Variants in PPP3CC observed in about 807,000 individuals in gnomAD.
PPP3CC encodes the protein protein phosphatase 3 catalytic subunit gamma, also known as serine/threonine-protein phosphatase 2B catalytic subunit gamma isoform.
In PPP3CC, 35 loss-of-function variants were observed where a neutral mutation model predicts 60.3. The ratio of observed to expected loss-of-function variants is 0.58; its 90% CI spans 0.44 to 0.77. The LOEUF (loss-of-function observed/expected upper bound fraction) is 0.77. PPP3CC is among the 30% of genes least tolerant of loss of function. PPP3CC has a pLI of 0.00. For missense variants in PPP3CC, 570 were observed against 628.9 expected (o/e 0.91, Z 1.00); for synonymous variants, 206 against 224.3 (o/e 0.92, Z 0.73).
At chr8:22,538,883 T>C (rs952940092) in intron 12 of PPP3CC, among the ~76,000 whole-genome samples, 1 of 152,232 alleles carries the variant, frequency 6.6e-6, no homozygotes, top group Non-Finnish European at 1.5e-5. Context: ...TTCTATGCTT[T>C]TGTTAGCTTT....
chr8:22,461,985 A>T (rs1837375135), intron 1 of PPP3CC, among the ~76,000 whole-genome samples: 1 of 152,202 alleles, frequency 6.6e-6, no homozygotes, highest in African/African-American at 2.4e-5. Flanking sequence ...CTTTAATCCC[A>T]GTGCATTGGG....
intron 4 of PPP3CC, among the ~76,000 whole-genome samples, chr8:22,499,273 A>T (rs1162913951): frequency 1.3e-5 from 2 of 149,310 alleles, no homozygotes; most frequent in Non-Finnish European, 3.0e-5. Context: ...CCCCGTCTCT[A>T]CTAAAAATAC....
chr8:22,492,089 T>C (rs1838421744), intron 3 of PPP3CC, among the ~76,000 whole-genome samples: 1 of 152,146 alleles, frequency 6.6e-6, no homozygotes, highest in African/African-American at 2.4e-5. Context: ...CTAGGTGGTA[T>C]AGCCTGCTAC....
chr8:22,478,594 ACAT>A (rs1837969852), intron 3 of PPP3CC, among the ~76,000 whole-genome samples: 1 of 152,202 alleles, frequency 6.6e-6, no homozygotes, highest in Non-Finnish European at 1.5e-5. Flanking sequence ...TTGTGCACAG[ACAT>A]CATGTTCAGA....
chr8:22,523,716 G>A lies in PPP3CC; in HGVS notation c.943+967G>A, dbSNP rs1294421757. 4 of 451,646 alleles carry A rather than the reference G, an allele frequency of 8.9e-6. No individual in the cohort carries two copies. The Admixed American group carries it at 9.5e-5, about 11-fold the overall frequency. The allele number at this position is 451,646 out of a possible 1,614,324, so 28.0% of individuals were successfully genotyped here. A position where few individuals can be genotyped will look rare whatever the true frequency, so the allele number is the denominator to read the frequency against. ...TCCTTTGAGGGTGGATTTGATTTTTGGACAGCCAAAAGTCATTCGGAGTCA... is the reference window on the plus strand; with the variant it reads ...TCCTTTGAGGGTGGATTTGATTTTTAGACAGCCAAAAGTCATTCGGAGTCA... On this transcript the variant is annotated intron_variant, in intron 8 of 13. Transcript: ENST00000240139.
chr8:22,486,436 A>T (rs1038100504), intron 3 of PPP3CC, among the ~76,000 whole-genome samples: 1 of 151,950 alleles, frequency 6.6e-6, no homozygotes, highest in Non-Finnish European at 1.5e-5. Flanking sequence ...ATATAAAGGG[A>T]ACTCTGCTGG....
intron 3 of PPP3CC, among the ~76,000 whole-genome samples, chr8:22,481,747 C>T (rs1838076747): frequency 6.6e-6 from 1 of 151,776 alleles, no homozygotes; most frequent in South Asian, 2.1e-4. Context: ...CCTGTGTTCT[C>T]ATTGTTCAAC....
At chr8:22,461,770 T>G (rs1377253119) in intron 1 of PPP3CC, among the ~76,000 whole-genome samples, 1 of 152,022 alleles carries the variant, frequency 6.6e-6, no homozygotes, top group Non-Finnish European at 1.5e-5. Context: ...AGTCACAGAG[T>G]AATGTTAGGA....
intron 1 of PPP3CC, among the ~76,000 whole-genome samples, chr8:22,457,830 G>A (rs1010743108): frequency 1.3e-5 from 2 of 152,244 alleles, no homozygotes; most frequent in African/African-American, 2.4e-5. Flanking sequence ...AGTGGCTTAC[G>A]CCTGTAATCC....
intron 3 of PPP3CC, among the ~76,000 whole-genome samples, chr8:22,486,657 T>C (rs1838231989): frequency 6.6e-6 from 1 of 152,072 alleles, no homozygotes; most frequent in African/African-American, 2.4e-5. Flanking sequence ...GAGGGCTTGG[T>C]TTCTTGGTGA....
intron 12 of PPP3CC, among the ~76,000 whole-genome samples, chr8:22,534,355 G>C (rs1393371715): frequency 1.3e-5 from 2 of 151,918 alleles, no homozygotes; most frequent in Non-Finnish European, 2.9e-5. Flanking sequence ...CCAGGAGTTT[G>C]AGGCTGTAGT....
At chr8:22,534,072 TC>T (rs1291809399) in intron 12 of PPP3CC, among the ~76,000 whole-genome samples, 2 of 149,950 alleles carry the variant, frequency 1.3e-5, no homozygotes, top group Non-Finnish European at 3.0e-5. Context: ...GGTGGCATAC[TC>T]CTGTAATCCT....
chr8:22,464,840 T>C (rs1014416602), intron 1 of PPP3CC, among the ~76,000 whole-genome samples: 7 of 152,174 alleles, frequency 4.6e-5, no homozygotes, highest in African/African-American at 1.7e-4. Flanking sequence ...TTATTGACCA[T>C]ATACCCACTT....
At position 22,441,438 on chromosome 8, in the gene PPP3CC, C is replaced by T. The variant is rs1360316239; in HGVS notation, c.29C>T (p.Thr10Ile). 6.5e-7 allele frequency: 1 copy of T among 1,547,326 alleles called. No homozygotes were observed. The highest frequency in any genetic ancestry group is 1.2e-5 in the South Asian group (1 of 82,970). Residue 10 changes from threonine (T) to isoleucine (I), a missense_variant, in exon 1 of 14, where the codon ACC becomes ATC. By Grantham distance (89) the Thr-to-Ile change is moderately conservative. Coordinates refer to ENST00000240139, the MANE Select transcript of PPP3CC (RefSeq NM_005605.5). MSGRRFHLS[T>I]TDRVIKAVPF... ...TCCGGGAGGCGCTTCCACCTCTCCA[C>T]CACCGACCGCGTCATCAAAGGTGCC...
intron 8 of PPP3CC, 85 bp downstream of exon 8, chr8:22,522,834 G>A (rs1235681923): frequency 2.0e-6 from 2 of 991,836 alleles, no homozygotes; most frequent in South Asian, 1.7e-5. Flanking sequence ...GTGTGTTTGT[G>A]TCATTTTAAA....
chr8:22,487,174 C>T (rs1838249530), intron 3 of PPP3CC, among the ~76,000 whole-genome samples: 1 of 152,160 alleles, frequency 6.6e-6, no homozygotes, highest in Non-Finnish European at 1.5e-5. Context: ...TTGAATATAT[C>T]TGTGATGGCA....
intron 4 of PPP3CC, among the ~76,000 whole-genome samples, chr8:22,510,549 G>A (rs1271504238): frequency 6.6e-6 from 1 of 152,156 alleles, no homozygotes; most frequent in Non-Finnish European, 1.5e-5. Context: ...GTCAGGAAGG[G>A]CAGCACTGGG....
At chr8:22,531,437 C>A in intron 10 of PPP3CC, 1 of 1,117,290 alleles carries the variant, frequency 9.0e-7, no homozygotes, top group Non-Finnish European at 1.3e-6. Context: ...GGCTCTCCAT[C>A]CGCCCCTTCA....
intron 1 of PPP3CC, among the ~76,000 whole-genome samples, chr8:22,447,254 A>G (rs1267855652): frequency 7.2e-6 from 1 of 138,858 alleles, no homozygotes; most frequent in Admixed American, 8.4e-5. Flanking sequence ...ATCTCGGCTC[A>G]CTGCAAGCTC....
Sources: allele counts gnomAD v4.1 joint callset (sites outside exome capture counted in the v4.1 genomes callset), GRCh38; gene constraint gnomAD v4.1.1; transcripts MANE v1.5; gene names NCBI Gene and HGNC (gene_info 2026-07-23, HGNC 2026-07-21).